Variants in PIBF1 observed in about 807,000 individuals in gnomAD.
PIBF1 encodes the protein progesterone immunomodulatory binding factor 1, also known as progesterone-induced-blocking factor 1.
A neutral mutation model predicts 112.5 loss-of-function variants in PIBF1; 90 were observed. The ratio of observed to expected loss-of-function variants is 0.80; its 90% CI spans 0.67 to 0.95. The LOEUF is 0.95. Ranked by LOEUF, PIBF1 falls within the 40% of genes least tolerant of loss-of-function variation. PIBF1 has a pLI of 0.00. For synonymous variants in PIBF1, 301 were observed against 288.6 expected, an observed-to-expected ratio of 1.04 and a Z score of -0.44; for missense variants, 915 against 852.3, an observed-to-expected ratio of 1.07 and a Z score of -0.92.
intron 9 of PIBF1, among the ~76,000 whole-genome samples, chr13:72,852,024 A>G (rs1453899957): frequency 6.6e-6 from 1 of 152,198 alleles, no homozygotes; most frequent in African/African-American, 2.4e-5. Context: ...TGCTCAGGGA[A>G]GCACCTCTTT....
chr13:72,919,297 T>C (rs765644076), intron 13 of PIBF1, among the ~76,000 whole-genome samples: 12 of 152,238 alleles, frequency 7.9e-5, no homozygotes, highest in Non-Finnish European at 1.6e-4. Context: ...TTAGAACTTA[T>C]GGCTCTTACC....
rs574220567 is a variant in PIBF1, at chr13:72,861,673, C to G, written c.1322+7518C>G. On this transcript the variant is annotated intron_variant, in intron 10 of 17. Coordinates refer to ENST00000326291, the MANE Select transcript of PIBF1 (RefSeq NM_006346.4). ...TCCACCTCCCAGAGTTCAAGCAGTT[C>G]TCATGCTTCAGCCTACTGAGTCGCT... Among the ~76,000 whole-genome samples the G allele has an allele frequency of 2.0e-5, 3 of 152,248 alleles. No homozygotes were observed. In the South Asian group the frequency reaches 6.2e-4, roughly 32 times the overall value.
At chr13:72,862,652 A>G (rs1003032893) in intron 10 of PIBF1, among the ~76,000 whole-genome samples, 2 of 152,212 alleles carry the variant, frequency 1.3e-5, no homozygotes, top group African/African-American at 4.8e-5. Flanking sequence ...AGAGAGTAGC[A>G]GTTATTTGAA....
chr13:73,001,219 A>G (rs965095324), intron 17 of PIBF1, among the ~76,000 whole-genome samples: 39 of 152,306 alleles, frequency 2.6e-4, no homozygotes, highest in African/African-American at 8.4e-4. Context: ...GATTCTCTTC[A>G]GGCATCATAA....
At chr13:72,813,369 T>G (rs1459066030) in intron 5 of PIBF1, among the ~76,000 whole-genome samples, 1 of 152,216 alleles carries the variant, frequency 6.6e-6, no homozygotes, top group East Asian at 1.9e-4. Context: ...GTGGAAGTCT[T>G]GAGCTTTGGG....
At chr13:72,901,536 T>G (rs2040484927) in intron 11 of PIBF1, among the ~76,000 whole-genome samples, 1 of 151,818 alleles carries the variant, frequency 6.6e-6, no homozygotes, top group African/African-American at 2.4e-5. Context: ...AAATAAAAAA[T>G]TAGCCAGGCA....
At chr13:72,976,762 A>G (rs1016785840) in intron 16 of PIBF1, among the ~76,000 whole-genome samples, 1 of 152,220 alleles carries the variant, frequency 6.6e-6, no homozygotes, top group Non-Finnish European at 1.5e-5. Flanking sequence ...ATTCACTTGA[A>G]CATTTACCTG....
At chr13:72,817,988 C>T (rs964808493) in intron 5 of PIBF1, among the ~76,000 whole-genome samples, 16 of 152,172 alleles carry the variant, frequency 1.1e-4, no homozygotes, top group Admixed American at 7.2e-4. Flanking sequence ...CGAATATGTG[C>T]ATTCTTATAC....
chr13:72,853,122 G>C (rs2038248170), intron 9 of PIBF1, among the ~76,000 whole-genome samples: 1 of 150,966 alleles, frequency 6.6e-6, no homozygotes, highest in African/African-American at 2.4e-5. Context: ...TTTATTCAAA[G>C]TTTCATCTTG....
intron 11 of PIBF1, among the ~76,000 whole-genome samples, chr13:72,899,567 G>A (rs539905428): frequency 3.7e-4 from 56 of 152,176 alleles, no homozygotes; most frequent in Non-Finnish European, 6.6e-4. Flanking sequence ...ATCCAGCATC[G>A]CTTTATGATT....
chr13:72,942,523 G>T lies in PIBF1; in HGVS notation c.1833+11256G>T, dbSNP rs75794317. On this transcript the variant is annotated intron_variant, in intron 14 of 17. Transcript: ENST00000326291. ...TGACAATTGTACTCAGCCTATGAAG[G>T]ACTAGCCATACTCAAAACTCAATTG... 1.8e-3 allele frequency among the ~76,000 whole-genome samples: 267 copies of T among 152,112 alleles called. 1 individual carries two copies. The highest frequency in any genetic ancestry group is 6.3e-3 in the African/African-American group (260 of 41,480).
intron 11 of PIBF1, among the ~76,000 whole-genome samples, chr13:72,908,174 T>C (rs1477693952): frequency 2.0e-5 from 3 of 152,208 alleles, no homozygotes; most frequent in African/African-American, 4.8e-5. Context: ...TAAGCCTCTG[T>C]CAAATGGCTT....
intron 3 of PIBF1, among the ~76,000 whole-genome samples, 197 bp from the exon 4 acceptor site, chr13:72,795,162 C>T (rs2035128405): frequency 6.6e-6 from 1 of 152,102 alleles, no homozygotes; most frequent in South Asian, 2.1e-4. Context: ...TATGGTTACA[C>T]ATTTAATAAT....
chr13:72,793,535 C>T (rs989899604), intron 3 of PIBF1, among the ~76,000 whole-genome samples: 2 of 152,122 alleles, frequency 1.3e-5, no homozygotes. Context: ...GCTGCTGGTC[C>T]AGAAACAATA....
In PIBF1 at chr13:72,965,379, A is replaced by G. The variant is rs770181831; in HGVS notation, c.1939A>G (p.Ile647Val). 1.2e-5 allele frequency: 19 copies of G among 1,610,060 alleles called. No individual in the cohort carries two copies. The highest frequency in any genetic ancestry group is 5.3e-5 in the African/African-American group (4 of 74,834). ...TAAGATTGATTCACTGACGGAATCT[A>G]TTGCACAACTTGAGAAAGATGTCAG... The part of the protein sequence containing the change: ...DSKIDSLTES[I>V]AQLEKDVSNL... Residue 647 changes from isoleucine (I) to valine (V), a missense_variant, in exon 15 of 18, where the codon ATT becomes GTT. Physicochemically the swap from Ile to Val is conservative, Grantham distance 29 (BLOSUM62 3). Transcript: ENST00000326291.
chr13:73,005,141 C>G (rs1272667729), intron 17 of PIBF1, among the ~76,000 whole-genome samples: 1 of 152,100 alleles, frequency 6.6e-6, no homozygotes, highest in East Asian at 1.9e-4. Flanking sequence ...CGTCGTTGCA[C>G]TCTAGCCTGG....
chr13:72,817,696 TTAGTCTTCCCACAAAGG>T (rs1444019898), intron 5 of PIBF1, among the ~76,000 whole-genome samples: 1 of 152,160 alleles, frequency 6.6e-6, no homozygotes, highest in Non-Finnish European at 1.5e-5. Flanking sequence ...TTGCTGGAGC[TTAGTCTTCCCACAAAGG>T]TTGATGCTAA....
chr13:72,972,252 G>A (rs976096653), intron 15 of PIBF1, among the ~76,000 whole-genome samples: 13 of 151,414 alleles, frequency 8.6e-5, no homozygotes, highest in South Asian at 2.1e-4. Flanking sequence ...GACTAGGCTC[G>A]AACTCCTGGG....
At chr13:72,929,639 A>T (rs2041640146) in intron 13 of PIBF1, among the ~76,000 whole-genome samples, 2 of 152,186 alleles carry the variant, frequency 1.3e-5, no homozygotes, top group African/African-American at 4.8e-5. Context: ...TATGATATTT[A>T]AGTTGCATAT....
Sources: allele counts gnomAD v4.1 joint callset (sites outside exome capture counted in the v4.1 genomes callset), GRCh38; gene constraint gnomAD v4.1.1; transcripts MANE v1.5; gene names NCBI Gene and HGNC (gene_info 2026-07-23, HGNC 2026-07-21).